RAB31: variants seen among roughly 807,000 people sequenced by gnomAD.
RAB31 encodes RAB31, member RAS oncogene family.
RAB31 carries 21 observed loss-of-function variants against 25.6 expected under a neutral mutation model. That is an observed-to-expected ratio of 0.82 (90% CI 0.58 to 1.18). The LOEUF (loss-of-function observed/expected upper bound fraction) is 1.18, where lower values mean the gene tolerates loss of function less well. Among genes scored for constraint, RAB31 ranks in the 50% most tolerant of loss-of-function variants. The pLI, the probability that RAB31 is intolerant of heterozygous loss-of-function variation, is 0.00. For synonymous variants in RAB31, 87 were observed against 84.0 expected (o/e 1.04, Z -0.20); for missense variants, 196 against 250.1 (o/e 0.78, Z 1.46).
chr18:9,725,794 CTGTT>C (rs1184435925), intron 1 of RAB31, among the ~76,000 whole-genome samples: 1 of 152,150 alleles, frequency 6.6e-6, no homozygotes, highest in Non-Finnish European at 1.5e-5. Context: ...TTACAGGTAA[CTGTT>C]TGTCATTTCT....
intron 6 of RAB31, among the ~76,000 whole-genome samples, chr18:9,855,036 C>T (rs914973694): frequency 6.6e-6 from 1 of 152,184 alleles, no homozygotes; most frequent in African/African-American, 2.4e-5. Flanking sequence ...AGAATCAGCG[C>T]TTGCGCAGGA....
intron 1 of RAB31, among the ~76,000 whole-genome samples, chr18:9,736,541 T>C (rs2068152162): frequency 6.6e-6 from 1 of 152,136 alleles, no homozygotes; most frequent in Non-Finnish European, 1.5e-5. Context: ...TCCCAGTGTA[T>C]GTGAATTTGG....
At chr18:9,802,526 T>C (rs1406431952) in intron 3 of RAB31, among the ~76,000 whole-genome samples, 1 of 152,158 alleles carries the variant, frequency 6.6e-6, no homozygotes, top group Non-Finnish European at 1.5e-5. Context: ...AATAAGAAAC[T>C]ACCTGGGTGT....
At chr18:9,733,729 CCTGCAGCCCTT>C (rs2068135109) in intron 1 of RAB31, among the ~76,000 whole-genome samples, 1 of 152,122 alleles carries the variant, frequency 6.6e-6, no homozygotes, top group African/African-American at 2.4e-5. Context: ...TCAGACACCA[CCTGCAGCCCTT>C]CTGCAGCCAG....
rs1033441857 is a variant in RAB31 at position 9,723,849 on chromosome 18, A to C, written c.39+15405A>C. On this transcript the variant is annotated intron_variant, in intron 1 of 6. Transcript: ENST00000578921. ...AACGGCATTAAGTGTATTCATAATGATCCATCCCTATAACCCAAACACCTC... is the reference window on the plus strand; with the variant it reads ...AACGGCATTAAGTGTATTCATAATGCTCCATCCCTATAACCCAAACACCTC... 3 of 152,316 alleles carry C rather than the reference A, an allele frequency of 2.0e-5. No individual in the cohort carries two copies. In the South Asian group the frequency reaches 6.2e-4, roughly 32 times the overall value. 9.4% of individuals were successfully genotyped at this position (152,316 alleles called of 1,614,324 possible). A position where few individuals can be genotyped will look rare whatever the true frequency, so the allele number is the denominator to read the frequency against.
chr18:9,794,653 A>G (rs955903490), intron 3 of RAB31, among the ~76,000 whole-genome samples: 11 of 152,120 alleles, frequency 7.2e-5, no homozygotes, highest in African/African-American at 2.4e-4. Flanking sequence ...TGTCTCTACT[A>G]AAAATACAAA....
intron 1 of RAB31, among the ~76,000 whole-genome samples, chr18:9,773,969 A>C (rs566926866): frequency 6.6e-6 from 1 of 152,092 alleles, no homozygotes; most frequent in South Asian, 2.1e-4. Context: ...CCATATTTTA[A>C]ATTTCTAAGA....
chr18:9,782,957 A>G (rs2068412694), intron 2 of RAB31, among the ~76,000 whole-genome samples: 1 of 152,206 alleles, frequency 6.6e-6, no homozygotes, highest in Admixed American at 6.5e-5. Context: ...TCTTAAGATC[A>G]AAAGCTAGCA....
chr18:9,749,752 C>G (rs2145477744), intron 1 of RAB31, among the ~76,000 whole-genome samples: 1 of 152,286 alleles, frequency 6.6e-6, no homozygotes. Flanking sequence ...CACAGAAAAT[C>G]TATACTTTTA....
intron 1 of RAB31, among the ~76,000 whole-genome samples, chr18:9,765,528 G>T (rs565554777): frequency 6.6e-6 from 1 of 152,284 alleles, no homozygotes; most frequent in South Asian, 2.1e-4. Flanking sequence ...TTTTGGTAGT[G>T]GTTACTGTGT....
chr18:9,715,997 A>G (rs2068042495), intron 1 of RAB31, among the ~76,000 whole-genome samples: 1 of 152,220 alleles, frequency 6.6e-6, no homozygotes, highest in African/African-American at 2.4e-5. Context: ...CCTAAATTGA[A>G]CATGAACACA....
intron 3 of RAB31, among the ~76,000 whole-genome samples, chr18:9,805,072 T>C (rs1469776058): frequency 6.6e-6 from 1 of 151,786 alleles, no homozygotes; most frequent in Non-Finnish European, 1.5e-5. Flanking sequence ...GGCAATATAA[T>C]GAGACTCCCA....
At chr18:9,734,496 C>T (rs552552787) in intron 1 of RAB31, among the ~76,000 whole-genome samples, 8 of 152,228 alleles carry the variant, frequency 5.3e-5, no homozygotes, top group South Asian at 2.1e-4. Context: ...AAGGGTGAGC[C>T]GAGAGGATGA....
At chr18:9,807,882 A>T (rs2068550276) in intron 3 of RAB31, among the ~76,000 whole-genome samples, 1 of 152,104 alleles carries the variant, frequency 6.6e-6, no homozygotes, top group African/African-American at 2.4e-5. Flanking sequence ...GGAGGCTGAG[A>T]TGAGAGGATT....
intron 5 of RAB31, among the ~76,000 whole-genome samples, chr18:9,833,638 C>T (rs1421041909): frequency 6.6e-6 from 1 of 152,184 alleles, no homozygotes. Flanking sequence ...AATTCTGGCA[C>T]ATACACGATT....
At chr18:9,717,012 C>T (rs1016620492) in intron 1 of RAB31, among the ~76,000 whole-genome samples, 2 of 151,784 alleles carry the variant, frequency 1.3e-5, no homozygotes, top group African/African-American at 4.8e-5. Context: ...CCTCCCACTT[C>T]AGCCTCCCCA....
intron 1 of RAB31, among the ~76,000 whole-genome samples, chr18:9,761,203 G>T (rs1217373338): frequency 1.3e-5 from 2 of 152,172 alleles, no homozygotes; most frequent in Non-Finnish European, 2.9e-5. Flanking sequence ...CCAGAGAGTA[G>T]ACTCCTGTAG....
At chr18:9,839,938 G>A (rs374990514) in intron 5 of RAB31, among the ~76,000 whole-genome samples, 77 of 152,120 alleles carry the variant, frequency 5.1e-4, no homozygotes, top group Non-Finnish European at 1.6e-4. Context: ...CACTTCTCCC[G>A]CCCTCCCCAT....
chr18:9,827,116 A>G (rs1431273806), intron 5 of RAB31, among the ~76,000 whole-genome samples: 1 of 151,988 alleles, frequency 6.6e-6, no homozygotes, highest in Non-Finnish European at 1.5e-5. Context: ...ACTCTTCCCA[A>G]TTTGAAACTC....
Sources: allele counts gnomAD v4.1 joint callset (sites outside exome capture counted in the v4.1 genomes callset), GRCh38; gene constraint gnomAD v4.1.1; transcripts MANE v1.5; gene names NCBI Gene and HGNC (gene_info 2026-07-23, HGNC 2026-07-21).